Variants in UTP14A observed in about 807,000 individuals in gnomAD.
The protein encoded by UTP14A is U3 small nucleolar RNA-associated protein 14 homolog A.
In UTP14A, 5 loss-of-function variants were observed where a neutral mutation model predicts 57.2. That is an observed-to-expected ratio of 0.09 (90% CI 0.05 to 0.18). The LOEUF is 0.18. UTP14A is among the 10% of genes least tolerant of loss of function. The pLI, the probability that UTP14A is intolerant of heterozygous loss-of-function variation, is 1.00. For missense variants in UTP14A, 430 were observed against 562.1 expected (o/e 0.76, Z 2.38); for synonymous variants, 169 against 210.9 (o/e 0.80, Z 1.72).
chrX:129,926,488 T>G (rs1930112750), intron 14 of UTP14A, 149 bp downstream of exon 14: 1 of 533,776 alleles, frequency 1.9e-6, no homozygotes, highest in Admixed American at 3.9e-5. Flanking sequence ...GGCTGTTAGA[T>G]TTATCATTTC....
At chrX:129,923,333 T>C (rs1284775656) in intron 11 of UTP14A, among the ~76,000 whole-genome samples, 1 of 112,337 alleles carries the variant, frequency 8.9e-6, no homozygotes, top group African/African-American at 3.2e-5. Flanking sequence ...TGGAGTGCAG[T>C]GGTGCAACCT....
intron 1 of UTP14A, among the ~76,000 whole-genome samples, chrX:129,906,769 T>A (rs1251216964): frequency 1.9e-5 from 2 of 107,918 alleles, no homozygotes; most frequent in Non-Finnish European, 3.8e-5. Context: ...TGGGTACCAA[T>A]CTCCTTAGTT....
At chrX:129,917,344 G>A (rs1273034248) in intron 6 of UTP14A, among the ~76,000 whole-genome samples, 3 of 111,959 alleles carry the variant, frequency 2.7e-5, no homozygotes, top group Non-Finnish European at 5.6e-5. Context: ...GATGATGTGC[G>A]TTTATGCATT....
chrX:129,916,147 G>A (rs1213419542), intron 6 of UTP14A, among the ~76,000 whole-genome samples: 1 of 109,400 alleles, frequency 9.1e-6, no homozygotes, highest in Non-Finnish European at 1.9e-5. Flanking sequence ...GTAGAGACGG[G>A]GTTTCACCGT....
intron 6 of UTP14A, among the ~76,000 whole-genome samples, chrX:129,913,837 G>A (rs767445942): frequency 1.8e-5 from 2 of 110,700 alleles, no homozygotes; most frequent in Admixed American, 9.7e-5. Flanking sequence ...AAAAATTAGC[G>A]GGGCATGGTG....
chrX:129,911,107 A>G lies in UTP14A; in HGVS notation c.338A>G (p.Lys113Arg). ...VKKQLSRVKS[K>R]KTVELPLNKE... ...AAGCAACTGAGTAGAGTCAAATCAAAGAAGACAGTGGAGTTACCTCTGAAC... is the reference window on the plus strand; with the variant it reads ...AAGCAACTGAGTAGAGTCAAATCAAGGAAGACAGTGGAGTTACCTCTGAAC... The change falls in exon 5 of 15, where the codon AAG becomes AGG. Residue 113 changes from lysine to arginine, a missense_variant. Around this residue, in one of 4 missense-constraint regions of UTP14A, gnomAD observed 145 missense variants for 153.5 expected, o/e 0.94. Coordinates refer to ENST00000394422, the MANE Select transcript of UTP14A (RefSeq NM_006649.4). 8.3e-7 allele frequency: 1 copy of G among 1,211,811 alleles called. No homozygotes were observed. Among genetic ancestry groups the G allele is most frequent in the Non-Finnish European group, 1.1e-6 (1 of 895,506 alleles).
chrX:129,919,357 T>G (rs917382064), intron 7 of UTP14A, 38 bp from the exon 8 acceptor site: 2 of 1,209,672 alleles, frequency 1.7e-6, no homozygotes, highest in African/African-American at 1.7e-5. Context: ...GCATTTGTCC[T>G]CTGGCCCAGG....
intron 3 of UTP14A, chrX:129,908,365 A>G (rs1403319081): frequency 2.7e-5 from 11 of 411,227 alleles, no homozygotes; most frequent in Non-Finnish European, 4.6e-5. Context: ...ATTTAACCCC[A>G]TTAGAGAAAT....
At chrX:129,919,802 C>T (rs1603012354) in intron 8 of UTP14A, among the ~76,000 whole-genome samples, 2 of 111,615 alleles carry the variant, frequency 1.8e-5, no homozygotes, top group Admixed American at 9.6e-5. Context: ...CTTGTTCGGC[C>T]GGGTGTGGTG....
intron 6 of UTP14A, among the ~76,000 whole-genome samples, chrX:129,917,685 T>TTTTG (rs1929741324): frequency 9.0e-6 from 1 of 111,554 alleles, no homozygotes; most frequent in East Asian, 2.8e-4. Context: ...ATGAAGGTCT[T>TTTTG]TTTGTTTGTT....
intron 11 of UTP14A, among the ~76,000 whole-genome samples, chrX:129,924,507 G>T (rs1319576407): frequency 1.9e-5 from 2 of 107,192 alleles, no homozygotes; most frequent in East Asian, 6.0e-4. Flanking sequence ...GGATGGTCTC[G>T]ATCTCCTGAC....
At chrX:129,923,431 C>T (rs186509627) in intron 11 of UTP14A, among the ~76,000 whole-genome samples, 3 of 112,028 alleles carry the variant, frequency 2.7e-5, no homozygotes, top group African/African-American at 9.7e-5. Flanking sequence ...TATGCCACCA[C>T]GCCCAGCTAA....
At chrX:129,918,576 T>G (rs1453924193) in intron 6 of UTP14A, among the ~76,000 whole-genome samples, 1 of 110,932 alleles carries the variant, frequency 9.0e-6, no homozygotes, top group Non-Finnish European at 1.9e-5. Flanking sequence ...GGAAATCAGT[T>G]TAACATATAT....
chrX:129,919,146 G>A (rs369659877), intron 6 of UTP14A, 29 bp from the exon 7 acceptor site: 10 of 1,209,758 alleles, frequency 8.3e-6, no homozygotes, highest in African/African-American at 1.7e-5. Flanking sequence ...CATGGCTTAA[G>A]ACTCAGAATG....
intron 14 of UTP14A, among the ~76,000 whole-genome samples, chrX:129,927,485 T>A (rs1930147703): frequency 8.9e-6 from 1 of 111,769 alleles, no homozygotes. Context: ...CCACTGAATG[T>A]TTCCAGAGAC....
chrX:129,915,041 G>A (rs1035020685), intron 6 of UTP14A, among the ~76,000 whole-genome samples: 1 of 110,390 alleles, frequency 9.1e-6, no homozygotes, highest in Non-Finnish European at 1.9e-5. Context: ...GCAAAACATC[G>A]TCTCTACTAA....
Position 129,915,341 on chromosome X carries a change from C to T in UTP14A, c.537+3420C>T, listed in dbSNP as rs1040831957. 8.1e-5 allele frequency among the ~76,000 whole-genome samples: 9 copies of T among 111,324 alleles called. No individual in the cohort carries two copies. In the East Asian group the frequency reaches 1.1e-3, roughly 14 times the overall value. Reference sequence around the variant, plus strand: ...GAGATCGAGACCATCCTGGCTAACACGGTGAAACCCCGTCTCTACTAAAAA... The same window carrying T: ...GAGATCGAGACCATCCTGGCTAACATGGTGAAACCCCGTCTCTACTAAAAA... On this transcript the variant is annotated intron_variant, in intron 6 of 14. Coordinates refer to ENST00000394422, the MANE Select transcript of UTP14A (RefSeq NM_006649.4).
At position 129,921,602 on chromosome X, in the gene UTP14A, A is replaced by G. The variant is rs777278974; in HGVS notation, c.1348+15A>G. ...AGAAACAAAAGGTGAGCTGTGATCA[A>G]ATGGAAGAGGGAAATTCCTAGTGCT... On this transcript the variant is annotated intron_variant, in intron 11 of 14. Transcript: ENST00000394422. The G allele has an allele frequency of 6.7e-6, 8 of 1,201,551 alleles. No individual in the cohort carries two copies. The highest frequency in any genetic ancestry group is 3.0e-5 in the East Asian group (1 of 33,751).
chrX:129,909,430 G>C (rs761114759), intron 4 of UTP14A, among the ~76,000 whole-genome samples: 12 of 110,483 alleles, frequency 1.1e-4, no homozygotes, highest in East Asian at 2.8e-4. Flanking sequence ...AGGATGGTCT[G>C]GATCTCCTGA....
Sources: gnomAD v4.1 joint callset for allele counts (sites outside exome capture counted in the v4.1 genomes callset) on GRCh38, gnomAD v4.1.1 for gene constraint, gnomAD v4.1.1 regional missense constraint, MANE v1.5 for transcripts, NCBI Gene and HGNC (gene_info 2026-07-23, HGNC 2026-07-21) for gene names.